SUCLG2: variants seen among roughly 807,000 people sequenced by gnomAD.
SUCLG2 encodes the protein succinate-CoA ligase GDP-forming subunit beta, also known as succinate--CoA ligase [GDP-forming] subunit beta, mitochondrial.
Under a neutral mutation model 47.9 loss-of-function variants are expected in SUCLG2, and 42 were observed. The observed-to-expected ratio is 0.88, with a 90% confidence interval of 0.69 to 1.14. The LOEUF is 1.14. SUCLG2 is among the 50% of genes most tolerant of loss of function. SUCLG2 has a pLI of 0.00. For synonymous variants in SUCLG2, 195 were observed against 197.3 expected, an observed-to-expected ratio of 0.99 and a Z score of 0.10; for missense variants, 571 against 525.9, an observed-to-expected ratio of 1.09 and a Z score of -0.84.
intron 9 of SUCLG2, among the ~76,000 whole-genome samples, chr3:67,409,530 GC>G (rs1349486721): frequency 6.6e-6 from 1 of 152,044 alleles, no homozygotes; most frequent in Non-Finnish European, 1.5e-5. Context: ...AACAATGTCT[GC>G]CATGGAAGTG....
intron 2 of SUCLG2, among the ~76,000 whole-genome samples, chr3:67,534,903 A>T (rs2107160291): frequency 6.6e-6 from 1 of 152,026 alleles, no homozygotes; most frequent in East Asian, 1.9e-4. Context: ...AAATGAAGCC[A>T]CTTGAAGAAA....
chr3:67,383,371 T>A (rs1352037586), intron 10 of SUCLG2, among the ~76,000 whole-genome samples: 3 of 152,202 alleles, frequency 2.0e-5, no homozygotes, highest in Non-Finnish European at 4.4e-5. Flanking sequence ...CCTGGGGAAG[T>A]TACTGCAGCT....
chr3:67,536,064 C>T (rs1706533309), intron 2 of SUCLG2, among the ~76,000 whole-genome samples: 1 of 152,100 alleles, frequency 6.6e-6, no homozygotes, highest in South Asian at 2.1e-4. Flanking sequence ...TTATTGAAGG[C>T]TACTTGACAT....
At position 67,483,804 on chromosome 3, in the gene SUCLG2, A is replaced by G. The variant is rs76296243; in HGVS notation, c.1062+11994T>C. 4.5e-3 allele frequency among the ~76,000 whole-genome samples: 687 copies of G among 152,148 alleles called. 11 individuals are homozygous for G. The East Asian group carries it at 0.059, about 13-fold the overall frequency. On this transcript the variant is annotated intron_variant, in intron 9 of 10. Coordinates refer to ENST00000307227, the MANE Select transcript of SUCLG2 (RefSeq NM_003848.4). ...AGAGCTGCCCCCTGACATGCTGGAG[A>G]ACACCCCCCTACCTACTCAAGTCAT...
rs146955944 is a variant in SUCLG2, at chr3:67,552,289, C to T, written c.227-23103G>A. ...ATGAAAGGCTGTGCCCATCACGTAT[C>T]TCACATGTATTAATGGCTTCAAGGA... On this transcript the variant is annotated intron_variant, in intron 2 of 10. Transcript: ENST00000307227. Among the ~76,000 whole-genome samples the T allele has an allele frequency of 4.3e-3, 648 of 152,078 alleles. 5 individuals are homozygous for T. Among genetic ancestry groups the T allele is most frequent in the African/African-American group, 0.014 (584 of 41,484 alleles).
chr3:67,543,144 A>G (rs991175924), intron 2 of SUCLG2, among the ~76,000 whole-genome samples: 1 of 152,202 alleles, frequency 6.6e-6, no homozygotes, highest in Non-Finnish European at 1.5e-5. Flanking sequence ...TCAAATTAGA[A>G]CTCAGGAGTA....
chr3:67,650,664 G>A (rs1322753632), intron 1 of SUCLG2, among the ~76,000 whole-genome samples: 1 of 152,132 alleles, frequency 6.6e-6, no homozygotes. Context: ...AGCCGAGGCA[G>A]GAGAATCGCT....
At chr3:67,599,942 C>T (rs1708380988) in intron 2 of SUCLG2, among the ~76,000 whole-genome samples, 1 of 152,204 alleles carries the variant, frequency 6.6e-6, no homozygotes. Context: ...CTAGAAAACT[C>T]AAGTACAGCC....
chr3:67,486,033 G>A (rs1422655723), intron 9 of SUCLG2, among the ~76,000 whole-genome samples: 3 of 152,200 alleles, frequency 2.0e-5, no homozygotes, highest in Non-Finnish European at 4.4e-5. Context: ...AGCACTTTGG[G>A]AGGCTAAGAG....
chr3:67,573,284 T>A (rs940756302), intron 2 of SUCLG2, among the ~76,000 whole-genome samples: 4 of 152,152 alleles, frequency 2.6e-5, no homozygotes, highest in African/African-American at 9.7e-5. Context: ...CACCAGCAGG[T>A]TTACTTTCAG....
chr3:67,510,704 C>T (rs1705763747), intron 6 of SUCLG2, among the ~76,000 whole-genome samples: 1 of 152,078 alleles, frequency 6.6e-6, no homozygotes, highest in Admixed American at 6.6e-5. Flanking sequence ...GCTATAATTC[C>T]TTTAACCTTT....
intron 9 of SUCLG2, among the ~76,000 whole-genome samples, chr3:67,447,581 A>G (rs1703956101): frequency 6.6e-6 from 1 of 152,222 alleles, no homozygotes; most frequent in African/African-American, 2.4e-5. Flanking sequence ...CAGGAACAAG[A>G]TACTTCAGGA....
intron 1 of SUCLG2, among the ~76,000 whole-genome samples, chr3:67,620,950 GT>G (rs1700726329): frequency 6.6e-6 from 1 of 152,192 alleles, no homozygotes; most frequent in African/African-American, 2.4e-5. Context: ...TCAAATTCAC[GT>G]TTTAGAAAAG....
chr3:67,599,924 T>C (rs557499386), intron 2 of SUCLG2, among the ~76,000 whole-genome samples: 2 of 152,354 alleles, frequency 1.3e-5, no homozygotes, highest in African/African-American at 4.8e-5. Context: ...GACTTTTTTG[T>C]CCGTAACCTA....
chr3:67,521,591 CT>C (rs1043383554), intron 4 of SUCLG2, among the ~76,000 whole-genome samples: 5 of 146,310 alleles, frequency 3.4e-5, no homozygotes, highest in African/African-American at 5.5e-5. Flanking sequence ...GGATGCCTTT[CT>C]TTTTTTTAAT....
intron 9 of SUCLG2, among the ~76,000 whole-genome samples, chr3:67,434,689 A>C (rs1268014798): frequency 6.6e-6 from 1 of 152,256 alleles, no homozygotes; most frequent in African/African-American, 2.4e-5. Context: ...GGTAGATGGC[A>C]GTCAAATCTG....
chr3:67,389,660 T>G (rs914864226), intron 10 of SUCLG2, among the ~76,000 whole-genome samples: 1 of 152,202 alleles, frequency 6.6e-6, no homozygotes, highest in Non-Finnish European at 1.5e-5. Flanking sequence ...CTACATTTAG[T>G]TGTAGTTTAT....
At chr3:67,648,607 G>A (rs1301842171) in intron 1 of SUCLG2, among the ~76,000 whole-genome samples, 1 of 152,162 alleles carries the variant, frequency 6.6e-6, no homozygotes, top group Non-Finnish European at 1.5e-5. Context: ...CATGGAGACT[G>A]TGAAATCTCC....
chr3:67,512,618 A>T (rs1385744999), intron 6 of SUCLG2, among the ~76,000 whole-genome samples: 1 of 151,188 alleles, frequency 6.6e-6, no homozygotes, highest in African/African-American at 2.5e-5. Context: ...CTTCCTTTTT[A>T]AAAAATTGTG....
Sources: gnomAD v4.1 joint callset for allele counts (sites outside exome capture counted in the v4.1 genomes callset) on GRCh38, gnomAD v4.1.1 for gene constraint, MANE v1.5 for transcripts, NCBI Gene and HGNC (gene_info 2026-07-23, HGNC 2026-07-21) for gene names.